CLIP2: variants seen among roughly 807,000 people sequenced by gnomAD.
The protein encoded by CLIP2 is CAP-Gly domain containing linker protein 2.
Under a neutral mutation model 111.7 loss-of-function variants are expected in CLIP2, and 41 were observed. That is an observed-to-expected ratio of 0.37 (90% CI 0.29 to 0.48). The LOEUF (loss-of-function observed/expected upper bound fraction) is 0.48, where lower values mean the gene tolerates loss of function less well. CLIP2 is among the 20% of genes least tolerant of loss of function. CLIP2 has a pLI of 0.99. For missense variants in CLIP2, 1,160 were observed against 1,422.1 expected (o/e 0.82, Z 2.96); for synonymous variants, 660 against 644.2 (o/e 1.02, Z -0.37).
intron 8 of CLIP2, among the ~76,000 whole-genome samples, chr7:74,369,508 A>T (rs1433923318): frequency 6.6e-6 from 1 of 151,978 alleles, no homozygotes; most frequent in African/African-American, 2.4e-5. Context: ...GCGCCACTGC[A>T]CTCCAGCCTG....
Position 74,351,133 on chromosome 7 carries a change from AAGAG to A in CLIP2, c.679-2731_679-2728del, listed in dbSNP as rs139848360. ...AAGGGAAGAAAGAGAGAGAGAAAGA[AAGAG>A]AGAGAGAGAGAGAGAAAGAAAGAGA... On this transcript the variant is annotated intron_variant, in intron 3 of 16. Transcript: ENST00000223398. Among the ~76,000 whole-genome samples the A allele has an allele frequency of 2.0e-3, 296 of 147,832 alleles. 1 individual carries two copies. The highest frequency in any genetic ancestry group is 3.4e-3 in the African/African-American group (134 of 39,872).
At chr7:74,301,709 G>T (rs1327803365) in intron 1 of CLIP2, among the ~76,000 whole-genome samples, 2 of 89,270 alleles carry the variant, frequency 2.2e-5, no homozygotes, top group South Asian at 3.7e-4. Flanking sequence ...TTGTTTGTTT[G>T]TTTTGTTTTT....
intron 3 of CLIP2, among the ~76,000 whole-genome samples, chr7:74,349,736 C>T (rs1157238449): frequency 3.3e-5 from 5 of 150,648 alleles, no homozygotes; most frequent in Non-Finnish European, 7.4e-5. Context: ...GTCTTAGCCT[C>T]CGGAGTACCT....
chr7:74,306,173 C>T (rs1788482840), intron 1 of CLIP2, among the ~76,000 whole-genome samples: 1 of 152,124 alleles, frequency 6.6e-6, no homozygotes, highest in African/African-American at 2.4e-5. Flanking sequence ...TTACGGGTCC[C>T]TTGCTCCTCC....
chr7:74,372,832 C>G, intron 8 of CLIP2, 100 bp from the exon 9 acceptor site: 3 of 634,202 alleles, frequency 4.7e-6, no homozygotes, highest in East Asian at 3.6e-5. Context: ...TCCTCTCTCT[C>G]TCTCTCTCTT....
intron 1 of CLIP2, among the ~76,000 whole-genome samples, chr7:74,295,318 T>A (rs906517532): frequency 6.6e-6 from 1 of 151,990 alleles, no homozygotes; most frequent in Admixed American, 6.6e-5. Flanking sequence ...GCATTCATGA[T>A]GGGGGCAAAG....
intron 2 of CLIP2, among the ~76,000 whole-genome samples, chr7:74,337,470 G>A (rs1413205614): frequency 3.3e-5 from 5 of 152,076 alleles, no homozygotes; most frequent in African/African-American, 9.7e-5. Flanking sequence ...GCCACAGGGG[G>A]TCTCGGGTCA....
At chr7:74,305,724 C>T (rs1554727622) in intron 1 of CLIP2, among the ~76,000 whole-genome samples, 1 of 152,088 alleles carries the variant, frequency 6.6e-6, no homozygotes, top group Non-Finnish European at 1.5e-5. Context: ...GAACTCCTGA[C>T]CTCAGGTGAT....
intron 13 of CLIP2, among the ~76,000 whole-genome samples, chr7:74,394,427 T>C (rs797028228): frequency 5.9e-5 from 9 of 152,096 alleles, no homozygotes; most frequent in African/African-American, 2.2e-4. Context: ...ATTTTGTATT[T>C]TTAGTATAGA....
intron 10 of CLIP2, among the ~76,000 whole-genome samples, chr7:74,377,375 G>C (rs2116659751): frequency 6.6e-6 from 1 of 152,296 alleles, no homozygotes; most frequent in East Asian, 1.9e-4. Flanking sequence ...GGCTAGAGGG[G>C]GTGGCCCTAA....
At position 74,386,462 on chromosome 7, in the gene CLIP2, A is replaced by G. The variant is rs117850576; in HGVS notation, c.2480-59A>G. ...GCTCCTGTGGGAGGGCCATGGCCCT[A>G]CCCACTGCTGCTTTGGTCCAGGAGC... On this transcript the variant is annotated intron_variant, in intron 11 of 16. Transcript: ENST00000223398. 11,028 of 1,413,072 alleles carry G rather than the reference A, an allele frequency of 7.8e-3. 59 individuals carry two copies. The highest frequency in any genetic ancestry group is 1.0e-2 in the Non-Finnish European group (10,070 of 1,008,596). 87.5% of individuals were successfully genotyped at this position (1,413,072 alleles called of 1,614,324 possible).
intron 3 of CLIP2, among the ~76,000 whole-genome samples, chr7:74,350,872 GAA>G (rs1789965765): frequency 2.1e-5 from 3 of 145,024 alleles, no homozygotes; most frequent in East Asian, 4.9e-4. Context: ...TTGAAAGAAA[GAA>G]AGAGAGAGAG....
intron 3 of CLIP2, among the ~76,000 whole-genome samples, chr7:74,344,605 A>G (rs1268109965): frequency 1.3e-5 from 2 of 151,904 alleles, no homozygotes; most frequent in Admixed American, 6.6e-5. Flanking sequence ...GTCTCGCTAC[A>G]TTCCTCAGGC....
At chr7:74,302,555 G>T (rs1458262773) in intron 1 of CLIP2, among the ~76,000 whole-genome samples, 1 of 152,124 alleles carries the variant, frequency 6.6e-6, no homozygotes, top group Non-Finnish European at 1.5e-5. Flanking sequence ...AAGGTAGCAT[G>T]TGGGACCGGA....
At chr7:74,359,393 G>C (rs1257189833) in intron 6 of CLIP2, among the ~76,000 whole-genome samples, 3 of 129,900 alleles carry the variant, frequency 2.3e-5, no homozygotes, top group African/African-American at 6.0e-5. Flanking sequence ...TCGCTCTGTC[G>C]CCCAGGCTGG....
chr7:74,347,227 C>T (rs1171140947), intron 3 of CLIP2, among the ~76,000 whole-genome samples: 1 of 152,010 alleles, frequency 6.6e-6, no homozygotes, highest in African/African-American at 2.4e-5. Flanking sequence ...ATAGAGGGGT[C>T]CCAGGCAGGA....
intron 13 of CLIP2, 90 bp from the exon 14 acceptor site, chr7:74,396,984 C>T (rs1459223490): frequency 8.7e-6 from 13 of 1,497,478 alleles, no homozygotes; most frequent in Non-Finnish European, 1.2e-5. Context: ...ACCAGTTGGT[C>T]AGCCCCTGGA....
intron 11 of CLIP2, 66 bp from the exon 12 acceptor site, chr7:74,386,455 T>A (rs913645893): frequency 1.5e-6 from 2 of 1,349,956 alleles, no homozygotes; most frequent in Non-Finnish European, 2.1e-6. Context: ...GGGAGGGCCA[T>A]GGCCCTACCC....
intron 3 of CLIP2, among the ~76,000 whole-genome samples, chr7:74,351,494 C>T (rs1045659868): frequency 6.6e-6 from 1 of 151,406 alleles, no homozygotes; most frequent in African/African-American, 2.4e-5. Context: ...TTTACCTCCT[C>T]GTGCATCTTT....
Sources: allele counts gnomAD v4.1 joint callset (sites outside exome capture counted in the v4.1 genomes callset), GRCh38; gene constraint gnomAD v4.1.1; transcripts MANE v1.5; gene names NCBI Gene and HGNC (gene_info 2026-07-23, HGNC 2026-07-21).